FOXL3: variants seen among roughly 807,000 people sequenced by gnomAD.
FOXL3 encodes the protein forkhead box L3.
Under a neutral mutation model 10.9 loss-of-function variants are expected in FOXL3, and 16 were observed. The ratio of observed to expected loss-of-function variants is 1.46; its 90% CI spans 0.99 to 2.22. FOXL3 has a LOEUF of 2.22. Ranked by LOEUF, FOXL3 falls within the 30% of genes most tolerant of loss-of-function variation. The pLI is 0.00. For missense variants in FOXL3, 400 were observed against 337.9 expected, an observed-to-expected ratio of 1.18 and a Z score of -1.44; for synonymous variants, 170 against 152.0, an observed-to-expected ratio of 1.12 and a Z score of -0.87.
intron 1 of FOXL3, 40 bp from the exon 2 acceptor site, chr7:290,613 C>T: frequency 7.1e-7 from 1 of 1,414,920 alleles, no homozygotes; most frequent in Non-Finnish European, 9.2e-7. Context: ...GGACGGGGGG[C>T]TGCCCGGTGG....
At position 291,419 on chromosome 7, in the gene FOXL3, G is replaced by A. The variant is rs1778647176; in HGVS notation, c.633G>A (p.Pro211=). 1 of 1,260,318 alleles carries A rather than the reference G, an allele frequency of 7.9e-7. No homozygotes were observed. Among genetic ancestry groups the A allele is most frequent in the Non-Finnish European group, 1.0e-6 (1 of 1,001,922 alleles). The allele number at this position is 1,260,318 out of a possible 1,614,324, so 78.1% of individuals were successfully genotyped here. ...SSPDPFPGLK[P]PCLAQEGRYP... Reference sequence around the variant, plus strand: ...CAGACCCCTTCCCTGGGCTCAAGCCGCCCTGCCTCGCACAAGAGGGCAGAT... The same window carrying A: ...CAGACCCCTTCCCTGGGCTCAAGCCACCCTGCCTCGCACAAGAGGGCAGAT... The change falls in exon 3 of 3, where the codon CCG becomes CCA. Residue 211 remains proline (P), a synonymous_variant. Coordinates refer to ENST00000506382, the MANE Select transcript of FOXL3 (RefSeq NM_001374838.1).
rs1487203563 is a variant in FOXL3, at chr7:290,694, C to G, written c.149C>G (p.Ala50Gly). The G allele has an allele frequency of 2.8e-5, 41 of 1,450,822 alleles. No homozygotes were observed. The East Asian group carries it at 9.7e-4, about 34-fold the overall frequency. The allele number at this position is 1,450,822 out of a possible 1,614,324, so 89.9% of individuals were successfully genotyped here. The stretch of plus-strand genomic sequence containing the variant: ...GCCATGGCCATTCAGCAGAGCCCCG[C>G]GGGGAGGGTGACCCTGTCCGGCATC... Reference protein sequence around the residue: ...LIAMAIQQSPAGRVTLSGIYD... With the variant: ...LIAMAIQQSPGGRVTLSGIYD... Residue 50 changes from alanine (A) to glycine (G), a missense_variant, in exon 2 of 3, where the codon GCG becomes GGG. By Grantham distance (60) the Ala-to-Gly change is moderately conservative (BLOSUM62 0). Coordinates refer to ENST00000506382, the MANE Select transcript of FOXL3 (RefSeq NM_001374838.1).
Position 291,244 on chromosome 7 carries a change from C to T in FOXL3, c.458C>T (p.Pro153Leu). The change falls in exon 3 of 3, where the codon CCG becomes CTG. Residue 153 changes from proline (P) to leucine (L), a missense_variant. Physicochemically the swap from Pro to Leu is moderately conservative, Grantham distance 98. Transcript: ENST00000506382. The part of the protein sequence containing the change: ...RAGGAQGPSG[P>L]SEPPAAQGRL... Reference sequence around the variant, plus strand: ...GGGGGCGCCCAGGGGCCGTCGGGTCCGTCCGAGCCGCCCGCCGCTCAGGGG... The same window carrying T: ...GGGGGCGCCCAGGGGCCGTCGGGTCTGTCCGAGCCGCCCGCCGCTCAGGGG... 1 of 1,165,540 alleles carries T rather than the reference C, an allele frequency of 8.6e-7. No homozygotes were observed. The highest frequency in any genetic ancestry group is 1.1e-6 in the Non-Finnish European group (1 of 945,620). The allele number at this position is 1,165,540 out of a possible 1,614,324, so 72.2% of individuals were successfully genotyped here.
chr7:290,530 C>CG, intron 1 of FOXL3, 123 bp from the exon 2 acceptor site: 2 of 1,036,826 alleles, frequency 1.9e-6, no homozygotes, highest in Non-Finnish European at 2.7e-6. Context: ...CCGCGAGCTG[C>CG]GGGGACACTT....
chr7:290,320 C>G, intron 1 of FOXL3, 44 bp downstream of exon 1: 1 of 1,439,120 alleles, frequency 6.9e-7, no homozygotes, highest in Non-Finnish European at 9.4e-7. Flanking sequence ...ACAGTGACAC[C>G]CCCTGCAAGG....
rs1367265812 is a variant in FOXL3 at position 291,212 on chromosome 7, G to A, written c.426G>A (p.Pro142=). 8.0e-5 allele frequency: 93 copies of A among 1,167,654 alleles called. No homozygotes were observed. Among genetic ancestry groups the A allele is most frequent in the Non-Finnish European group, 9.7e-5 (92 of 948,620 alleles). 72.3% of individuals were successfully genotyped at this position (1,167,654 alleles called of 1,614,324 possible). ...RGPKREGPRG[P]RAGGAQGPSG... The stretch of plus-strand genomic sequence containing the variant: ...CCAAGCGCGAGGGGCCGAGGGGTCC[G>A]CGCGCGGGGGGCGCCCAGGGGCCGT... Residue 142 remains proline (P), a synonymous_variant, in exon 3 of 3, where the codon CCG becomes CCA. Coordinates refer to ENST00000506382, the MANE Select transcript of FOXL3 (RefSeq NM_001374838.1).
rs150273468 is a variant in FOXL3 at position 290,309 on chromosome 7, G to A, written c.107+33G>A. ...CGGGGGCGGTGCTGGGGCTTTGGGG[G>A]ACAGTGACACCCCCTGCAAGGGTCC... On this transcript the variant is annotated intron_variant, in intron 1 of 2. Coordinates refer to ENST00000506382, the MANE Select transcript of FOXL3 (RefSeq NM_001374838.1). The A allele has an allele frequency of 3.9e-3, 5,799 of 1,478,796 alleles. 103 individuals are homozygous for A. The African/African-American group carries it at 0.051, about 13-fold the overall frequency. 91.6% of individuals were successfully genotyped at this position (1,478,796 alleles called of 1,614,324 possible). A position where few individuals can be genotyped will look rare whatever the true frequency, so the allele number is the denominator to read the frequency against.
At position 290,232 on chromosome 7, in the gene FOXL3, C is replaced by T. The variant is rs1778609646; in HGVS notation, c.63C>T (p.Ala21=). Residue 21 remains alanine, a synonymous_variant, in exon 1 of 3, where the codon GCC becomes GCT. Coordinates refer to ENST00000506382, the MANE Select transcript of FOXL3 (RefSeq NM_001374838.1). ...ATTACGACGCCGACGACTACCCCGC[C>T]GGCAGCTCCGACGAAGACAAGAGGC... The part of the protein sequence containing the change: ...CFNYDADDYP[A]GSSDEDKRLT... 3 of 1,535,848 alleles carry T rather than the reference C, an allele frequency of 2.0e-6. No homozygotes were observed. Among genetic ancestry groups the T allele is most frequent in the African/African-American group, 1.4e-5 (1 of 73,060 alleles).
Position 291,146 on chromosome 7 carries a change from C to G in FOXL3, c.360C>G (p.Phe120Leu), listed in dbSNP as rs910452780. The change falls in exon 3 of 3, where the codon TTC becomes TTG. Residue 120 changes from phenylalanine (F) to leucine (L), a missense_variant. By Grantham distance (22) the Phe-to-Leu change is conservative. Coordinates refer to ENST00000506382, the MANE Select transcript of FOXL3 (RefSeq NM_001374838.1). The stretch of plus-strand genomic sequence containing the variant: ...GCTGCGAGTCGCTGCTGGACCTCTT[C>G]GAGAACGGCAACTACCGGCGGCGGC... Reference protein sequence around the residue: ...AGGCESLLDLFENGNYRRRRR... With the variant: ...AGGCESLLDLLENGNYRRRRR... 1 of 1,334,928 alleles carries G rather than the reference C, an allele frequency of 7.5e-7. No individual in the cohort carries two copies. Among genetic ancestry groups the G allele is most frequent in the Non-Finnish European group, 9.6e-7 (1 of 1,039,692 alleles). 82.7% of individuals were successfully genotyped at this position (1,334,928 alleles called of 1,614,324 possible). A position where few individuals can be genotyped will look rare whatever the true frequency, so the allele number is the denominator to read the frequency against.
rs1332647498 is a variant in FOXL3, at chr7:290,195, A to G, written c.26A>G (p.Tyr9Cys). The change falls in exon 1 of 3, where the codon TAC (tyrosine) becomes TGC (cysteine). Residue 9 changes from tyrosine (Y) to cysteine (C), a missense_variant. Physicochemically the swap from Tyr to Cys is radical, Grantham distance 194 (BLOSUM62 -2). Transcript: ENST00000506382. MFDSSQYP[Y>C]NCFNYDADDY... ...ATGTTTGACAGCTCGCAGTATCCCT[A>G]CAACTGCTTCAATTACGACGCCGAC... The G allele has an allele frequency of 4.0e-5, 61 of 1,535,706 alleles. No individual in the cohort carries two copies. The highest frequency in any genetic ancestry group is 5.1e-5 in the Non-Finnish European group (59 of 1,146,666).
rs1778645881 is a variant in FOXL3, at chr7:291,374, C to G, written c.588C>G (p.Ile196Met). 7.6e-7 allele frequency: 1 copy of G among 1,318,956 alleles called. No individual in the cohort carries two copies. Among genetic ancestry groups the G allele is most frequent in the African/African-American group, 1.5e-5 (1 of 65,506 alleles). The allele number at this position is 1,318,956 out of a possible 1,614,324, so 81.7% of individuals were successfully genotyped here. A position where few individuals can be genotyped will look rare whatever the true frequency, so the allele number is the denominator to read the frequency against. Reference sequence around the variant, plus strand: ...ACCCCCGGGACCTCAAGTTCAGCATCGACTACATCCTGTCCTCCCCAGACC... The same window carrying G: ...ACCCCCGGGACCTCAAGTTCAGCATGGACTACATCCTGTCCTCCCCAGACC... ...KEHPRDLKFS[I>M]DYILSSPDPF... Residue 196 changes from isoleucine to methionine, a missense_variant, in exon 3 of 3, where the codon ATC becomes ATG. Coordinates refer to ENST00000506382, the MANE Select transcript of FOXL3 (RefSeq NM_001374838.1).
chr7:290,906 C>T, intron 2 of FOXL3, 85 bp downstream of exon 2: 1 of 1,307,794 alleles, frequency 7.6e-7, no homozygotes, highest in Non-Finnish European at 9.7e-7. Flanking sequence ...GGGAGGGCAC[C>T]GCGGCGGCTT....
rs1366147947 is a variant in FOXL3 at position 291,077 on chromosome 7, G to A, written c.291G>A (p.Glu97=). Residue 97 remains glutamate, a synonymous_variant, in exon 3 of 3, where the codon GAG becomes GAA. Transcript: ENST00000506382. ...CGCGCGCGCAGGTGCCGCGGTCCGA[G>A]GGCCACGAGAAGGGCAAAGGCAACT... The part of the protein sequence containing the change: ...NSCFVKVPRS[E]GHEKGKGNYW... The A allele has an allele frequency of 2.1e-6, 3 of 1,415,714 alleles. No homozygotes were observed. In the East Asian group the frequency reaches 9.5e-5, roughly 45 times the overall value. 87.7% of individuals were successfully genotyped at this position (1,415,714 alleles called of 1,614,324 possible).
chr7:290,324 T>C lies in FOXL3; in HGVS notation c.107+48T>C, dbSNP rs1291989969. 7.1e-6 allele frequency: 10 copies of C among 1,409,404 alleles called. No homozygotes were observed. In the African/African-American group the frequency reaches 8.5e-5, roughly 12 times the overall value. The allele number at this position is 1,409,404 out of a possible 1,614,324, so 87.3% of individuals were successfully genotyped here. A position where few individuals can be genotyped will look rare whatever the true frequency, so the allele number is the denominator to read the frequency against. On this transcript the variant is annotated intron_variant, in intron 1 of 2. Transcript: ENST00000506382. The stretch of plus-strand genomic sequence containing the variant: ...GGCTTTGGGGGACAGTGACACCCCC[T>C]GCAAGGGTCCCAGGTAGCCGGGACC...
In FOXL3 at chr7:291,327, C is replaced by T; in HGVS notation, c.541C>T (p.Pro181Ser). 1.6e-6 allele frequency: 2 copies of T among 1,271,026 alleles called. No individual in the cohort carries two copies. The highest frequency in any genetic ancestry group is 2.0e-6 in the Non-Finnish European group (2 of 1,008,220). The allele number at this position is 1,271,026 out of a possible 1,614,324, so 78.7% of individuals were successfully genotyped here. ...CCCGGGCCGTGAGCCCCCCGCCAGC[C>T]CCGCTCCCCCGGGGAAGGAGCACCC... ...GAPGREPPASPAPPGKEHPRD... is the reference protein window; with the variant it reads ...GAPGREPPASSAPPGKEHPRD... Residue 181 changes from proline (P) to serine (S), a missense_variant, in exon 3 of 3, where the codon CCC becomes TCC. By Grantham distance (74) the Pro-to-Ser change is moderately conservative. Transcript: ENST00000506382.
Position 291,236 on chromosome 7 carries a change from G to A in FOXL3, c.450G>A (p.Pro150=), listed in dbSNP as rs772381739. 0.013 allele frequency: 15,658 copies of A among 1,162,382 alleles called. 105 individuals carry two copies. The highest frequency in any genetic ancestry group is 0.017 in the Admixed American group (363 of 21,114). The allele number at this position is 1,162,382 out of a possible 1,614,324, so 72.0% of individuals were successfully genotyped here. Residue 150 remains proline, a synonymous_variant, in exon 3 of 3, where the codon CCG becomes CCA. Transcript: ENST00000506382. ...CGCGCGCGGGGGGCGCCCAGGGGCC[G>A]TCGGGTCCGTCCGAGCCGCCCGCCG... is the stretch of plus-strand genomic sequence containing the variant. ...RGPRAGGAQG[P]SGPSEPPAAQ...
Position 291,203 on chromosome 7 carries a change from G to C in FOXL3, c.417G>C (p.Pro139=). The change falls in exon 3 of 3, where the codon CCG becomes CCC. Residue 139 remains proline (P), a synonymous_variant. Coordinates refer to ENST00000506382, the MANE Select transcript of FOXL3 (RefSeq NM_001374838.1). ...GGCGCGGCCCCAAGCGCGAGGGGCC[G>C]AGGGGTCCGCGCGCGGGGGGCGCCC... ...RRRRGPKREG[P]RGPRAGGAQG... The C allele has an allele frequency of 8.4e-7, 1 of 1,183,508 alleles. No individual in the cohort carries two copies. Among genetic ancestry groups the C allele is most frequent in the Admixed American group, 4.7e-5 (1 of 21,482 alleles). The allele number at this position is 1,183,508 out of a possible 1,614,324, so 73.3% of individuals were successfully genotyped here.
intron 1 of FOXL3, 23 bp from the exon 2 acceptor site, chr7:290,630 C>T: frequency 2.1e-6 from 3 of 1,407,384 alleles, no homozygotes; most frequent in Non-Finnish European, 2.8e-6. Context: ...GTGGAGACCC[C>T]GCCTGACCCC....
At chr7:290,979 C>CG in intron 2 of FOXL3, 84 bp from the exon 3 acceptor site, 1 of 1,278,440 alleles carries the variant, frequency 7.8e-7, no homozygotes, top group Non-Finnish European at 9.9e-7. Flanking sequence ...ACCCTCGCCC[C>CG]GGTCCAGGGC....
Sources: gnomAD v4.1 joint callset for allele counts on GRCh38, gnomAD v4.1.1 for gene constraint, MANE v1.5 for transcripts, NCBI Gene and HGNC (gene_info 2026-07-23, HGNC 2026-07-21) for gene names.